NPAS3: variants seen among roughly 807,000 people sequenced by gnomAD.
NPAS3 encodes the protein neuronal PAS domain-containing protein 3.
In NPAS3, 14 loss-of-function variants were observed where a neutral mutation model predicts 73.1. That is an observed-to-expected ratio of 0.19 (90% CI 0.13 to 0.30). The LOEUF is 0.30. Among genes scored for constraint, NPAS3 ranks in the 10% least tolerant of loss-of-function variants. The pLI, the probability that NPAS3 is intolerant of heterozygous loss-of-function variation, is 1.00. For missense variants in NPAS3, 1,096 were observed against 1,250.0 expected (o/e 0.88, Z 1.86); for synonymous variants, 620 against 541.5 (o/e 1.14, Z -2.01).
intron 5 of NPAS3, among the ~76,000 whole-genome samples, chr14:33,604,503 A>C (rs1170590845): frequency 6.6e-6 from 1 of 152,146 alleles, no homozygotes; most frequent in Non-Finnish European, 1.5e-5. Context: ...AGGAATAAAA[A>C]AAATTCACAA....
intron 3 of NPAS3, among the ~76,000 whole-genome samples, chr14:33,318,401 A>C (rs1156549150): frequency 6.6e-6 from 1 of 152,128 alleles, no homozygotes; most frequent in Admixed American, 6.6e-5. Flanking sequence ...CAACACGAAA[A>C]GAGTTCTGGA....
intron 2 of NPAS3, among the ~76,000 whole-genome samples, chr14:33,084,941 A>G (rs188184219): frequency 1.3e-5 from 2 of 152,324 alleles, no homozygotes; most frequent in Admixed American, 1.3e-4. Context: ...GGCGTAAGAT[A>G]TGAAAAGTAT....
intron 4 of NPAS3, among the ~76,000 whole-genome samples, chr14:33,528,337 C>T (rs1212265576): frequency 6.6e-6 from 1 of 151,734 alleles, no homozygotes; most frequent in African/African-American, 2.4e-5. Context: ...TGTGAGAAGC[C>T]TCATGCCATG....
rs1020044020 is a variant in NPAS3, at chr14:33,278,697, A to G, written c.385+63271A>G. ...TAATTACAGTACTTAAAGATTGAGCATATCTCTAAAGCATGACTGACAAAA... is the reference window on the plus strand; with the variant it reads ...TAATTACAGTACTTAAAGATTGAGCGTATCTCTAAAGCATGACTGACAAAA... On this transcript the variant is annotated intron_variant, in intron 3 of 11. Transcript: ENST00000356141. Among the ~76,000 whole-genome samples the G allele has an allele frequency of 2.0e-5, 3 of 152,172 alleles. No homozygotes were observed. In the South Asian group the frequency reaches 6.2e-4, roughly 31 times the overall value.
rs528762174 is a variant in NPAS3 at position 33,437,355 on chromosome 14, A to C, written c.468+70087A>C. Among the ~76,000 whole-genome samples, 11 of 152,324 alleles carry C rather than the reference A, an allele frequency of 7.2e-5. No homozygotes were observed. In the South Asian group the frequency reaches 2.3e-3, roughly 32 times the overall value. On this transcript the variant is annotated intron_variant, in intron 4 of 11. Transcript: ENST00000356141. Reference sequence around the variant, plus strand: ...TTCCAAGCTTGCCTGCTTGGGGAAGAGGAAACAGTGCTGAGAAGTTACCTG... The same window carrying C: ...TTCCAAGCTTGCCTGCTTGGGGAAGCGGAAACAGTGCTGAGAAGTTACCTG...
chr14:33,165,522 C>CA lies in NPAS3; in HGVS notation c.141-49657dup, dbSNP rs1202926533. ...AGCTCTACTACTGAACTGTAAAACT[C>CA]AAAGCATGCGTAGTGTAAATAAAAC... On this transcript the variant is annotated intron_variant, in intron 2 of 11. Transcript: ENST00000356141. 6.6e-5 allele frequency among the ~76,000 whole-genome samples: 10 copies of CA among 152,020 alleles called. No individual in the cohort carries two copies. The East Asian group carries it at 1.9e-3, about 29-fold the overall frequency.
intron 9 of NPAS3, among the ~76,000 whole-genome samples, chr14:33,779,349 C>G (rs2062913561): frequency 6.6e-6 from 1 of 152,204 alleles, no homozygotes; most frequent in South Asian, 2.1e-4. Context: ...TGGAAGGGGT[C>G]TGACTAGAGC....
chr14:33,554,559 A>C (rs2055269568), intron 4 of NPAS3, among the ~76,000 whole-genome samples: 1 of 152,218 alleles, frequency 6.6e-6, no homozygotes. Context: ...AGTTTAAAAT[A>C]ATCTGTCATT....
At chr14:32,956,069 G>GT (rs538864200) in intron 1 of NPAS3, among the ~76,000 whole-genome samples, 23 of 150,968 alleles carry the variant, frequency 1.5e-4, no homozygotes, top group Middle Eastern at 3.4e-3. Flanking sequence ...ACCATTGATG[G>GT]TTTTTTTTTA....
intron 5 of NPAS3, among the ~76,000 whole-genome samples, chr14:33,598,651 T>C (rs913196570): frequency 1.3e-5 from 2 of 152,252 alleles, no homozygotes; most frequent in East Asian, 3.8e-4. Context: ...GACTTTATTG[T>C]ATGCTAACTT....
At chr14:33,192,550 T>A (rs752865453) in intron 2 of NPAS3, among the ~76,000 whole-genome samples, 2 of 152,198 alleles carry the variant, frequency 1.3e-5, no homozygotes, top group African/African-American at 2.4e-5. Flanking sequence ...CTTCTTCTTA[T>A]GGAGTGAGTG....
chr14:33,374,713 G>A (rs1009044886), intron 4 of NPAS3, among the ~76,000 whole-genome samples: 1 of 144,568 alleles, frequency 6.9e-6, no homozygotes, highest in African/African-American at 2.6e-5. Flanking sequence ...GCGGGGGGGG[G>A]AGTAGAGAAT....
At chr14:33,677,628 A>C (rs1054018871) in intron 6 of NPAS3, among the ~76,000 whole-genome samples, 7 of 151,726 alleles carry the variant, frequency 4.6e-5, no homozygotes, top group Admixed American at 3.3e-4. Context: ...GAAAAAAAAA[A>C]AACAACACAC....
intron 2 of NPAS3, among the ~76,000 whole-genome samples, chr14:33,112,812 A>C (rs1190487824): frequency 6.6e-6 from 1 of 152,228 alleles, no homozygotes; most frequent in Non-Finnish European, 1.5e-5. Flanking sequence ...CTAACATGTT[A>C]ATCTTTAATC....
chr14:33,072,013 C>T (rs1368055807), intron 2 of NPAS3, among the ~76,000 whole-genome samples: 1 of 152,160 alleles, frequency 6.6e-6, no homozygotes, highest in African/African-American at 2.4e-5. Flanking sequence ...GACTCAGCCT[C>T]CCCAGTAGCT....
chr14:33,193,803 G>C (rs2046252428), intron 2 of NPAS3, among the ~76,000 whole-genome samples: 1 of 152,112 alleles, frequency 6.6e-6, no homozygotes, highest in African/African-American at 2.4e-5. Context: ...TCTTCATCTG[G>C]CTATGGAGTG....
At chr14:33,199,347 T>A (rs1366323621) in intron 2 of NPAS3, among the ~76,000 whole-genome samples, 1 of 152,194 alleles carries the variant, frequency 6.6e-6, no homozygotes, top group Non-Finnish European at 1.5e-5. Context: ...GACACACAGA[T>A]CTGGCAAATG....
Position 33,521,510 on chromosome 14 carries a change from C to T in NPAS3, c.469-38611C>T, listed in dbSNP as rs201943406. ...AGTGATGATTTGGAGAGATGATCTG[C>T]TTTAAAAAAAAAAAAAAAAAAAGGC... On this transcript the variant is annotated intron_variant, in intron 4 of 11. Coordinates refer to ENST00000356141, the Ensembl canonical transcript of NPAS3. Among the ~76,000 whole-genome samples the T allele has an allele frequency of 8.4e-5, 8 of 95,522 alleles. No homozygotes were observed. In the East Asian group the frequency reaches 1.5e-3, roughly 18 times the overall value. 62.7% of individuals were successfully genotyped at this position (95,522 alleles called of 152,430 possible).
intron 4 of NPAS3, among the ~76,000 whole-genome samples, chr14:33,498,861 C>T (rs1269725774): frequency 3.3e-5 from 5 of 150,976 alleles, no homozygotes; most frequent in Admixed American, 3.3e-4. Context: ...CATGCAGTAC[C>T]ACATAAGGAA....
Sources: allele counts gnomAD v4.1 joint callset (sites outside exome capture counted in the v4.1 genomes callset), GRCh38; gene constraint gnomAD v4.1.1; transcripts MANE v1.5; gene names NCBI Gene and HGNC (gene_info 2026-07-23, HGNC 2026-07-21).